Variants in SLC2A9 observed in about 807,000 individuals in gnomAD.
The protein encoded by SLC2A9 is solute carrier family 2, facilitated glucose transporter member 9.
In SLC2A9, 39 loss-of-function variants were observed where a neutral mutation model predicts 50.6. The ratio of observed to expected loss-of-function variants is 0.77; its 90% confidence interval spans 0.60 to 1.01. The LOEUF (loss-of-function observed/expected upper bound fraction) is 1.01, where lower values mean the gene tolerates loss of function less well. Among genes scored for constraint, SLC2A9 ranks in the 50% least tolerant of loss-of-function variants. The pLI is 0.00. For missense variants in SLC2A9, 686 were observed against 677.6 expected (o/e 1.01, Z -0.14); for synonymous variants, 324 against 276.9 (o/e 1.17, Z -1.69).
chr4:10,005,459 G>A (rs1292793151), intron 2 of SLC2A9, among the ~76,000 whole-genome samples: 1 of 152,218 alleles, frequency 6.6e-6, no homozygotes, highest in Non-Finnish European at 1.5e-5. Flanking sequence ...GAGGGTTTTA[G>A]CACGGAATTG....
At chr4:10,011,389 C>G (rs1052127876) in intron 2 of SLC2A9, among the ~76,000 whole-genome samples, 6 of 152,220 alleles carry the variant, frequency 3.9e-5, no homozygotes, top group African/African-American at 1.4e-4. Flanking sequence ...CAGGTGGATT[C>G]TAGACACTGG....
chr4:9,807,186 C>T (rs976192963), intron 3 of SLC2A9, among the ~76,000 whole-genome samples: 2 of 152,150 alleles, frequency 1.3e-5, no homozygotes, highest in African/African-American at 4.8e-5. Context: ...CAGGTGCACC[C>T]CTCTGTCCTT....
intron 5 of SLC2A9, among the ~76,000 whole-genome samples, chr4:9,979,428 C>T (rs370915670): frequency 2.0e-5 from 3 of 152,114 alleles, no homozygotes; most frequent in African/African-American, 7.2e-5. Flanking sequence ...AGTGGGCATT[C>T]GACCATCATT....
rs1553876730 is a variant in SLC2A9 at position 9,927,189 on chromosome 4, C to CCGACTAATTTTT, written c.815-6618_815-6617insAAAAATTAGTCG. ...AGATTACAGGCATCCGCCACCACGC[C>CCGACTAATTTTT]TGTATTTAGTAGAGATGGGGTTTCA... On this transcript the variant is annotated intron_variant, in intron 6 of 11. Coordinates refer to ENST00000264784, the MANE Select transcript of SLC2A9 (RefSeq NM_020041.3). 2.2e-4 allele frequency among the ~76,000 whole-genome samples: 33 copies of CCGACTAATTTTT among 151,796 alleles called. 1 individual carries two copies. Among genetic ancestry groups the CCGACTAATTTTT allele is most frequent in the Admixed American group, 2.0e-3 (30 of 15,258 alleles).
intron 6 of SLC2A9, among the ~76,000 whole-genome samples, chr4:9,929,253 T>C (rs1016336430): frequency 1.3e-5 from 2 of 152,356 alleles, no homozygotes; most frequent in East Asian, 3.9e-4. Context: ...GCAGTGACAC[T>C]GGATGCCCTC....
At chr4:9,853,075 C>T (rs1414785798) in intron 10 of SLC2A9, among the ~76,000 whole-genome samples, 4 of 151,350 alleles carry the variant, frequency 2.6e-5, no homozygotes, top group Non-Finnish European at 4.4e-5. Flanking sequence ...ACTCAGGAGG[C>T]TGAGGCAGGA....
intron 10 of SLC2A9, among the ~76,000 whole-genome samples, chr4:9,864,612 C>T (rs1732152795): frequency 6.6e-6 from 1 of 152,218 alleles, no homozygotes; most frequent in African/African-American, 2.4e-5. Flanking sequence ...TAAGGTCACA[C>T]AGCTGTTAAG....
At chr4:10,026,247 T>C (rs1763748526), upstream of SLC2A9, among the ~76,000 whole-genome samples, 1 of 152,218 alleles carries the variant, frequency 6.6e-6, no homozygotes, top group Non-Finnish European at 1.5e-5. Flanking sequence ...ATACAGGCAA[T>C]GATCCCATTC....
intron 6 of SLC2A9, among the ~76,000 whole-genome samples, chr4:9,935,759 C>T (rs1195958090): frequency 1.3e-5 from 2 of 152,222 alleles, no homozygotes; most frequent in East Asian, 1.9e-4. Flanking sequence ...AGCACCGTCT[C>T]GCCTGCAGAT....
chr4:9,835,120 G>A (rs1045970774), intron 10 of SLC2A9, 112 bp from the exon 11 acceptor site: 5 of 1,481,894 alleles, frequency 3.4e-6, no homozygotes, highest in Non-Finnish European at 4.7e-6. Context: ...CCCTTGACTG[G>A]ATGTGTAGTG....
At chr4:9,829,550 CAAAAG>C (rs748927243) in intron 11 of SLC2A9, among the ~76,000 whole-genome samples, 15 of 150,788 alleles carry the variant, frequency 9.9e-5, no homozygotes, top group Non-Finnish European at 2.2e-4. Flanking sequence ...TTCTCCACTG[CAAAAG>C]AAACTATCAT....
At chr4:9,894,989 ATTAACATATATGTTTACTGAT>A (rs1471878216) in intron 8 of SLC2A9, among the ~76,000 whole-genome samples, 4 of 152,230 alleles carry the variant, frequency 2.6e-5, no homozygotes, top group Non-Finnish European at 5.9e-5. Flanking sequence ...TTTTACGGAA[ATTAACATATATGTTTACTGAT>A]TTCAGTATTT....
intron 10 of SLC2A9, among the ~76,000 whole-genome samples, chr4:9,860,779 A>G (rs1303751450): frequency 6.6e-6 from 1 of 152,232 alleles, no homozygotes; most frequent in African/African-American, 2.4e-5. Flanking sequence ...CTGATCAGAT[A>G]TCACAACCCC....
chr4:9,856,009 C>G (rs1730661021), intron 10 of SLC2A9, among the ~76,000 whole-genome samples: 1 of 152,078 alleles, frequency 6.6e-6, no homozygotes, highest in Non-Finnish European at 1.5e-5. Flanking sequence ...CTATAAAAAC[C>G]CTGGATGAAA....
At chr4:9,823,034 G>A (rs765253434), downstream of SLC2A9, among the ~76,000 whole-genome samples, 23 of 152,278 alleles carry the variant, frequency 1.5e-4, no homozygotes, top group Non-Finnish European at 2.4e-4. Flanking sequence ...TTATTTTTCA[G>A]AGTCCTTACA....
chr4:9,898,803 G>C (rs1017702411), intron 8 of SLC2A9, among the ~76,000 whole-genome samples: 1 of 152,230 alleles, frequency 6.6e-6, no homozygotes, highest in Non-Finnish European at 1.5e-5. Context: ...AGGACGTCCT[G>C]TCTGACTGCT....
chr4:9,776,737 G>T (rs1717622401), downstream of SLC2A9, among the ~76,000 whole-genome samples: 1 of 152,092 alleles, frequency 6.6e-6, no homozygotes, highest in South Asian at 2.1e-4. Context: ...AAGCCTCCGA[G>T]TTCTTATAAC....
intron 8 of SLC2A9, among the ~76,000 whole-genome samples, chr4:9,895,636 G>T (rs756247393): frequency 6.6e-6 from 1 of 152,232 alleles, no homozygotes; most frequent in Admixed American, 6.5e-5. Flanking sequence ...GGGACCTCTG[G>T]TGAAATAATA....
intron 5 of SLC2A9, among the ~76,000 whole-genome samples, chr4:9,957,943 C>A (rs1247948249): frequency 2.0e-5 from 3 of 151,982 alleles, no homozygotes; most frequent in Non-Finnish European, 4.4e-5. Flanking sequence ...GAATTCTGCA[C>A]AACTGAAGAG....
Sources: allele counts gnomAD v4.1 joint callset (sites outside exome capture counted in the v4.1 genomes callset), GRCh38; gene constraint gnomAD v4.1.1; transcripts MANE v1.5; gene names NCBI Gene and HGNC (gene_info 2026-07-23, HGNC 2026-07-21).